Variants in SHB observed in about 807,000 individuals in gnomAD.
SHB encodes SH2 domain-containing adapter protein B.
Under a neutral mutation model 52.3 loss-of-function variants are expected in SHB, and 20 were observed. The ratio of observed to expected loss-of-function variants is 0.38; its 90% CI spans 0.27 to 0.56. The LOEUF (loss-of-function observed/expected upper bound fraction) is 0.56. Among genes scored for constraint, SHB ranks in the 20% least tolerant of loss-of-function variants. The probability of loss-of-function intolerance (pLI) is 0.71; values close to 1 mark genes in which losing one functional copy is unlikely to be tolerated. For missense variants in SHB, 825 were observed against 723.3 expected, an observed-to-expected ratio of 1.14 and a Z score of -1.61; for synonymous variants, 397 against 316.5, an observed-to-expected ratio of 1.25 and a Z score of -2.70.
chr9:37,975,238 A>T (rs1423161678), intron 2 of SHB, among the ~76,000 whole-genome samples: 1 of 151,978 alleles, frequency 6.6e-6, no homozygotes, highest in Non-Finnish European at 1.5e-5. Context: ...CCCTCTTTGG[A>T]CTTTCAGTCC....
intron 1 of SHB, among the ~76,000 whole-genome samples, chr9:38,035,546 G>A (rs952797938): frequency 6.6e-5 from 10 of 152,250 alleles, no homozygotes; most frequent in Admixed American, 4.6e-4. Flanking sequence ...TCTTTCCCCA[G>A]TGGCATGTGA....
At chr9:38,040,728 G>A (rs953245376) in intron 1 of SHB, among the ~76,000 whole-genome samples, 11 of 152,186 alleles carry the variant, frequency 7.2e-5, no homozygotes, top group African/African-American at 2.7e-4. Context: ...AGTTTACAAC[G>A]TTGCAGAGTT....
intron 4 of SHB, among the ~76,000 whole-genome samples, chr9:37,955,421 G>T (rs865977750): frequency 3.9e-5 from 6 of 152,100 alleles, no homozygotes; most frequent in African/African-American, 1.4e-4. Flanking sequence ...ATACACAGAG[G>T]GGGAGGTAGG....
Position 38,068,257 on chromosome 9 carries a change from G to A in SHB, c.389C>T (p.Ala130Val), listed in dbSNP as rs1041770645. 1 of 1,445,554 alleles carries A rather than the reference G, an allele frequency of 6.9e-7. No individual in the cohort carries two copies. Among genetic ancestry groups the A allele is most frequent in the Non-Finnish European group, 9.0e-7 (1 of 1,108,102 alleles). 89.5% of individuals were successfully genotyped at this position (1,445,554 alleles called of 1,614,324 possible). Residue 130 changes from alanine (A) to valine (V), a missense_variant, in exon 1 of 6, where the codon GCC becomes GTC. Ala to Val is a moderately conservative substitution (Grantham distance 64). Transcript: ENST00000377707. Reference protein sequence around the residue: ...EPGGVQRAFSASSASGAAGCC... With the variant: ...EPGGVQRAFSVSSASGAAGCC... ...GCCCGCGGCGCCCGACGCGGACGAG[G>A]CCGAGAAGGCGCGCTGGACCCCGCC...
chr9:38,056,873 G>A (rs1381412459), intron 1 of SHB, among the ~76,000 whole-genome samples: 1 of 152,184 alleles, frequency 6.6e-6, no homozygotes, highest in Non-Finnish European at 1.5e-5. Flanking sequence ...AGATGATAAA[G>A]TAAACAGTTT....
intron 5 of SHB, among the ~76,000 whole-genome samples, chr9:37,923,898 G>C (rs537649915): frequency 1.3e-5 from 2 of 152,294 alleles, no homozygotes; most frequent in Middle Eastern, 3.4e-3. Flanking sequence ...CCCGCATCCC[G>C]AGCCAGCTGA....
intron 3 of SHB, among the ~76,000 whole-genome samples, chr9:37,959,871 G>A (rs1193580129): frequency 1.3e-5 from 2 of 152,144 alleles, no homozygotes; most frequent in Admixed American, 1.3e-4. Context: ...CCCCCTGAGG[G>A]TAGGGGCTGT....
intron 5 of SHB, among the ~76,000 whole-genome samples, chr9:37,924,559 G>A (rs533917148): frequency 6.6e-6 from 1 of 152,246 alleles, no homozygotes; most frequent in East Asian, 1.9e-4. Flanking sequence ...GGGGATTTCT[G>A]GTTTACCTTA....
In SHB at chr9:38,049,037, T is replaced by A. The variant is rs184156878; in HGVS notation, c.717+18892A>T. On this transcript the variant is annotated intron_variant, in intron 1 of 5. Transcript: ENST00000377707. The stretch of plus-strand genomic sequence containing the variant: ...AAACGAACATCCTTTTTATTTATTT[T>A]TGAGACAGAGTCTCGCTCTGTCACC... Among the ~76,000 whole-genome samples, 364 of 152,350 alleles carry A rather than the reference T, an allele frequency of 2.4e-3. 1 individual carries two copies. Among genetic ancestry groups the A allele is most frequent in the Middle Eastern group, 0.01 (3 of 294 alleles).
chr9:37,971,237 ACTCT>A (rs1820587137), intron 3 of SHB, among the ~76,000 whole-genome samples: 1 of 152,064 alleles, frequency 6.6e-6, no homozygotes, highest in African/African-American at 2.4e-5. Context: ...ATGGATGTAC[ACTCT>A]CATGCACACA....
chr9:38,020,838 G>A (rs899023960), intron 1 of SHB, among the ~76,000 whole-genome samples: 1 of 152,234 alleles, frequency 6.6e-6, no homozygotes, highest in African/African-American at 2.4e-5. Flanking sequence ...TGGCCCAACA[G>A]GGATCCTAGC....
At chr9:37,933,642 G>A (rs1010193018) in intron 5 of SHB, among the ~76,000 whole-genome samples, 3 of 152,140 alleles carry the variant, frequency 2.0e-5, no homozygotes, top group Admixed American at 1.3e-4. Context: ...GCATGTTCAA[G>A]TTTGAGAATC....
intron 1 of SHB, among the ~76,000 whole-genome samples, chr9:38,029,817 T>C (rs1821390944): frequency 6.6e-6 from 1 of 152,192 alleles, no homozygotes; most frequent in Admixed American, 6.5e-5. Flanking sequence ...TGAGTTAGTA[T>C]TTGTCAAATG....
At chr9:37,987,199 T>G (rs1431302287) in intron 2 of SHB, among the ~76,000 whole-genome samples, 4 of 152,214 alleles carry the variant, frequency 2.6e-5, no homozygotes, top group Admixed American at 2.6e-4. Flanking sequence ...GCTCAGTGGT[T>G]GGGCCAACAT....
At chr9:37,938,084 C>T (rs1000613101) in intron 5 of SHB, among the ~76,000 whole-genome samples, 3 of 152,216 alleles carry the variant, frequency 2.0e-5, no homozygotes, top group African/African-American at 4.8e-5. Context: ...GCCTTTGTAT[C>T]GCTTACCCAG....
Position 37,918,491 on chromosome 9 carries a change from G to C in SHB, c.*1330C>G, listed in dbSNP as rs1041778659. On this transcript the variant is annotated 3_prime_UTR_variant, in exon 6 of 6. Transcript: ENST00000377707. ...AGCAGTGTGGACCACTGAGGGCTGTGTGTGTGTGTGTGTGTGTGTGTGTAG... is the reference window on the plus strand; with the variant it reads ...AGCAGTGTGGACCACTGAGGGCTGTCTGTGTGTGTGTGTGTGTGTGTGTAG... 3.5e-5 allele frequency among the ~76,000 whole-genome samples: 4 copies of C among 114,672 alleles called. No homozygotes were observed. Among genetic ancestry groups the C allele is most frequent in the African/African-American group, 1.5e-4 (4 of 26,592 alleles). The allele number at this position is 114,672 out of a possible 152,430, so 75.2% of individuals were successfully genotyped here. A position where few individuals can be genotyped will look rare whatever the true frequency, so the allele number is the denominator to read the frequency against.
chr9:37,967,401 G>A (rs1246064156), intron 3 of SHB, among the ~76,000 whole-genome samples: 1 of 152,138 alleles, frequency 6.6e-6, no homozygotes, highest in Non-Finnish European at 1.5e-5. Context: ...AGGGAGGCTG[G>A]CTAAGGGGTG....
At chr9:37,950,182 C>T (rs1832548446) in intron 4 of SHB, among the ~76,000 whole-genome samples, 1 of 152,180 alleles carries the variant, frequency 6.6e-6, no homozygotes, top group Non-Finnish European at 1.5e-5. Flanking sequence ...AAGTGATCCT[C>T]CCACCCCACC....
chr9:38,058,108 G>A (rs1225530981), intron 1 of SHB, among the ~76,000 whole-genome samples: 1 of 152,184 alleles, frequency 6.6e-6, no homozygotes, highest in Non-Finnish European at 1.5e-5. Flanking sequence ...GGCCACCCCT[G>A]ACTGCACACA....
Sources: allele counts gnomAD v4.1 joint callset (sites outside exome capture counted in the v4.1 genomes callset), GRCh38; gene constraint gnomAD v4.1.1; transcripts MANE v1.5; gene names NCBI Gene and HGNC (gene_info 2026-07-23, HGNC 2026-07-21).